The following KLC3 variants were observed in gnomAD, a reference collection of about 807,000 sequenced individuals.
KLC3 encodes the protein kinesin light chain 3.
A neutral mutation model predicts 62.9 loss-of-function variants in KLC3; 72 were observed. The ratio of observed to expected loss-of-function variants is 1.15; its 90% CI spans 0.95 to 1.39. KLC3 has a LOEUF of 1.39. Ranked by LOEUF, KLC3 falls within the 40% of genes most tolerant of loss-of-function variation. KLC3 has a pLI of 0.00. For missense variants in KLC3, 848 were observed against 691.6 expected, an observed-to-expected ratio of 1.23 and a Z score of -2.54; for synonymous variants, 377 against 300.5, an observed-to-expected ratio of 1.25 and a Z score of -2.63.
At chr19:45,350,463 CTGGTGGCTTCTCTAT>C (rs772645068) in intron 9 of KLC3, 32 bp downstream of exon 9, 2 of 1,613,438 alleles carry the variant, frequency 1.2e-6, no homozygotes, top group Middle Eastern at 1.7e-4. Context: ...GTCTTCCCTC[CTGGTGGCTTCTCTAT>C]GTCCCCATCT....
At chr19:45,349,687 A>C in intron 8 of KLC3, 85 bp downstream of exon 8, 261 of 718,540 alleles carry the variant, frequency 3.6e-4, no homozygotes, top group Middle Eastern at 4.7e-4. Flanking sequence ...AGGGTGAGCA[A>C]CGTGAGGGTG....
intron 3 of KLC3, chr19:45,347,021 C>T (rs1971516034): frequency 2.0e-6 from 1 of 496,154 alleles, no homozygotes; most frequent in African/African-American, 2.0e-5. Flanking sequence ...CAGGGGGCCT[C>T]TGACGCTCGT....
rs1330248124 is a variant in KLC3, at chr19:45,345,666, A to G, written c.125A>G (p.His42Arg). The change falls in exon 2 of 13, where the codon CAT becomes CGT. Residue 42 changes from histidine to arginine, a missense_variant. His to Arg is a conservative substitution (Grantham distance 29). Coordinates refer to ENST00000391946, the MANE Select transcript of KLC3 (RefSeq NM_177417.3). ...QGLEALRAEH[H>R]GLAGHLAEAL... ...CTGGAGGCGCTGCGGGCAGAGCACC[A>G]TGGCCTGGCTGGGCACCTGGCGGAG... The G allele has an allele frequency of 1.3e-6, 2 of 1,581,960 alleles. No individual in the cohort carries two copies. The highest frequency in any genetic ancestry group is 1.3e-5 in the African/African-American group (1 of 74,616).
chr19:45,344,682 C>T (rs1403968551), intron 1 of KLC3, among the ~76,000 whole-genome samples: 1 of 152,136 alleles, frequency 6.6e-6, no homozygotes, highest in Non-Finnish European at 1.5e-5. Flanking sequence ...AGAGGCACCA[C>T]CAGCTAAGTT....
At chr19:45,347,169 C>T in intron 3 of KLC3, 1 of 450,500 alleles carries the variant, frequency 2.2e-6, no homozygotes. Context: ...ATGGAGAAAC[C>T]CCGTCTCTAC....
intron 3 of KLC3, chr19:45,347,241 C>T: frequency 1.9e-6 from 1 of 533,728 alleles, no homozygotes; most frequent in Non-Finnish European, 3.3e-6. Flanking sequence ...ACTCCGGAAG[C>T]TGAGGCAGGA....
At chr19:45,342,145 G>T (rs1971408952) in intron 1 of KLC3, among the ~76,000 whole-genome samples, 1 of 152,116 alleles carries the variant, frequency 6.6e-6, no homozygotes, top group South Asian at 2.1e-4. Flanking sequence ...TGTGTCTGAG[G>T]TTATAGAGGG....
At chr19:45,344,152 GGAGT>G (rs1971442283) in intron 1 of KLC3, among the ~76,000 whole-genome samples, 1 of 97,138 alleles carries the variant, frequency 1.0e-5, no homozygotes, top group Non-Finnish European at 1.8e-5. Context: ...TTCTAATGAG[GGAGT>G]GTGTGTGTGT....
Position 45,351,500 on chromosome 19 carries a change from G to C in KLC3, c.*143G>C, listed in dbSNP as rs1460876382. On this transcript the variant is annotated 3_prime_UTR_variant, in exon 13 of 13. Transcript: ENST00000391946. ...ATAGCTGCCTTCTCCTGCGATTAAAGGCTGTGGACGTGACAGTGAGAAATG... is the reference window on the plus strand; with the variant it reads ...ATAGCTGCCTTCTCCTGCGATTAAACGCTGTGGACGTGACAGTGAGAAATG... The C allele has an allele frequency of 1.9e-6, 3 of 1,594,490 alleles. No homozygotes were observed. The highest frequency in any genetic ancestry group is 2.6e-6 in the Non-Finnish European group (3 of 1,175,030).
In KLC3 at chr19:45,347,519, G is replaced by A. The variant is rs1201111263; in HGVS notation, c.559+3G>A. On this transcript the variant is annotated splice_donor_region_variant and intron_variant, in intron 4 of 12. Transcript: ENST00000391946. Reference sequence around the variant, plus strand: ...CAGCGAGGAGGAGGAGAGGAAAGGTGGGTGTTGGGAGTACATGCCACAGAG... The same window carrying A: ...CAGCGAGGAGGAGGAGAGGAAAGGTAGGTGTTGGGAGTACATGCCACAGAG... 1 of 1,611,116 alleles carries A rather than the reference G, an allele frequency of 6.2e-7. No homozygotes were observed. The highest frequency in any genetic ancestry group is 2.2e-5 in the East Asian group (1 of 44,826).
At position 45,351,084 on chromosome 19, in the gene KLC3, C is replaced by A. The variant is rs1971741659; in HGVS notation, c.1443+67C>A. The A allele has an allele frequency of 1.9e-6, 3 of 1,612,678 alleles. No individual in the cohort carries two copies. The South Asian group carries it at 3.3e-5, about 18-fold the overall frequency. ...GGTAGGTGCAGAGATGAGGCAAAGG[C>A]AGGGCGGTCGGGCCAGTGGTGGAGT... On this transcript the variant is annotated intron_variant, in intron 12 of 12. Transcript: ENST00000391946.
chr19:45,346,671 GGCTTCGGGCCA>G lies in KLC3; in HGVS notation c.389_399del (p.Leu130ArgfsTer33). On this transcript the variant is annotated frameshift_variant, in exon 3 of 13. Coordinates refer to ENST00000391946, the MANE Select transcript of KLC3 (RefSeq NM_177417.3). LOFTEE classifies it high-confidence loss of function. Reference sequence around the variant, plus strand: ...GAGGAACTGGAGGAGACGCAGCGGCGGCTTCGGGCCAGCGAGGAGTCCGTGGCCCAGCTGGA... The same window carrying G: ...GAGGAACTGGAGGAGACGCAGCGGCGGCGAGGAGTCCGTGGCCCAGCTGGA... 6.4e-7 allele frequency: 1 copy of G among 1,559,322 alleles called. No homozygotes were observed.
rs182272593 is a variant in KLC3 at position 45,350,336 on chromosome 19, C to T, written c.1144-5C>T. The T allele has an allele frequency of 1.8e-4, 292 of 1,612,796 alleles. No individual in the cohort carries two copies. The highest frequency in any genetic ancestry group is 4.7e-4 in the East Asian group (21 of 44,868). ...AAAAGTTCCCAGACACTCCCTTCTC[C>T]GCAGGCCTCAGCCTACCTGAAACAG... is the stretch of plus-strand genomic sequence containing the variant. On this transcript the variant is annotated splice_polypyrimidine_tract_variant and splice_region_variant and intron_variant, in intron 8 of 12. Coordinates refer to ENST00000391946, the MANE Select transcript of KLC3 (RefSeq NM_177417.3).
At chr19:45,350,250 C>T (rs1971662318) in intron 8 of KLC3, 91 bp from the exon 9 acceptor site, 1 of 933,946 alleles carries the variant, frequency 1.1e-6, no homozygotes, top group East Asian at 2.5e-5. Context: ...ACCAAGACCC[C>T]TGTCTCTACA....
intron 1 of KLC3, 38 bp downstream of exon 1, chr19:45,340,884 C>G (rs1047731817): frequency 2.0e-5 from 3 of 152,264 alleles, no homozygotes; most frequent in African/African-American, 7.2e-5. Context: ...TCTCGGAGAG[C>G]CGCGATGATG....
intron 1 of KLC3, among the ~76,000 whole-genome samples, chr19:45,341,720 G>A (rs958062757): frequency 2.7e-5 from 4 of 150,432 alleles, no homozygotes; most frequent in Non-Finnish European, 5.9e-5. Context: ...GGGACGGTGC[G>A]CGTGGAACCT....
In KLC3 at chr19:45,345,762, C is replaced by T. The variant is rs775194648; in HGVS notation, c.221C>T (p.Ser74Leu). 24 of 1,552,582 alleles carry T rather than the reference C, an allele frequency of 1.5e-5. No homozygotes were observed. Among genetic ancestry groups the T allele is most frequent in the African/African-American group, 4.1e-5 (3 of 73,134 alleles). ...LEEKQQVVSH[S>L]LEAIELGLGE... The stretch of plus-strand genomic sequence containing the variant: ...GAAAAGCAGCAGGTGGTGAGCCACT[C>T]GCTGGAGGCCATCGAGCTGGGGCTG... The change falls in exon 2 of 13, where the codon TCG (serine) becomes TTG (leucine). Residue 74 changes from serine (S) to leucine (L), a missense_variant. Coordinates refer to ENST00000391946, the MANE Select transcript of KLC3 (RefSeq NM_177417.3).
intron 7 of KLC3, 30 bp downstream of exon 7, chr19:45,348,951 ACC>A: frequency 1.3e-6 from 2 of 1,536,664 alleles, no homozygotes; most frequent in Non-Finnish European, 1.8e-6. Context: ...ACCCCGAGGA[ACC>A]CCTTGTCCCA....
At chr19:45,342,883 C>T (rs919485531) in intron 1 of KLC3, among the ~76,000 whole-genome samples, 1 of 152,220 alleles carries the variant, frequency 6.6e-6, no homozygotes, top group Non-Finnish European at 1.5e-5. Context: ...ACAAAACGTA[C>T]AGGACCCTTA....
Sources: allele counts gnomAD v4.1 joint callset (sites outside exome capture counted in the v4.1 genomes callset), GRCh38; gene constraint gnomAD v4.1.1; transcripts MANE v1.5; gene names NCBI Gene and HGNC (gene_info 2026-07-23, HGNC 2026-07-21).